Variants in GLB1 observed in about 807,000 individuals in gnomAD.
GLB1 encodes the protein galactosidase beta 1.
In GLB1, 56 loss-of-function variants were observed where a neutral mutation model predicts 74.0. The observed-to-expected ratio is 0.76, with a 90% CI of 0.61 to 0.94. The LOEUF (loss-of-function observed/expected upper bound fraction) is 0.94, where lower values mean the gene tolerates loss of function less well. GLB1 is among the 40% of genes least tolerant of loss of function. The pLI is 0.00. For synonymous variants in GLB1, 323 were observed against 323.6 expected (o/e 1.00, Z 0.02); for missense variants, 787 against 845.5 (o/e 0.93, Z 0.86).
At chr3:33,087,274 A>C (rs2125575963) in intron 1 of GLB1, among the ~76,000 whole-genome samples, 1 of 152,242 alleles carries the variant, frequency 6.6e-6, no homozygotes, top group Non-Finnish European at 1.5e-5. Context: ...ATCAGTCATC[A>C]AAAACCTCAA....
rs61542648 is a variant in GLB1, at chr3:33,087,006, A to G, written c.75+10005T>C. Among the ~76,000 whole-genome samples, 1,375 of 151,100 alleles carry G rather than the reference A, an allele frequency of 9.1e-3. 15 individuals carry two copies. The highest frequency in any genetic ancestry group is 0.031 in the African/African-American group (1,287 of 41,260). ...AGGAAAAAAAAACAGTTGGTTTTTG[A>G]AAAAAAAATCAACAAAATTGAGAAA... On this transcript the variant is annotated intron_variant, in intron 1 of 15. Coordinates refer to ENST00000307363, the MANE Select transcript of GLB1 (RefSeq NM_000404.4).
the GLB1 span, among the ~76,000 whole-genome samples, chr3:32,979,329 A>G: frequency 6.6e-6 from 1 of 152,114 alleles, no homozygotes; most frequent in African/African-American, 2.4e-5. Flanking sequence ...AGGCTAAAAC[A>G]CTTACAGAGG....
intron 15 of GLB1, among the ~76,000 whole-genome samples, 190 bp downstream of exon 15, chr3:33,013,866 T>A (rs1697126714): frequency 6.6e-6 from 1 of 152,152 alleles, no homozygotes; most frequent in Non-Finnish European, 1.5e-5. Context: ...AGGGGGCAGA[T>A]GGCAGCACCT....
At chr3:33,092,518 G>T in intron 1 of GLB1, 2 of 1,114,708 alleles carry the variant, frequency 1.8e-6, no homozygotes, top group Non-Finnish European at 2.2e-6. Flanking sequence ...CCGAGGGGAG[G>T]TTCATCCCTG....
At chr3:33,004,176 A>G (rs1387713535) in intron 15 of GLB1, among the ~76,000 whole-genome samples, 1 of 152,188 alleles carries the variant, frequency 6.6e-6, no homozygotes, top group East Asian at 1.9e-4. Context: ...TCTTTCTTTG[A>G]ACCCTGCTCA....
intron 5 of GLB1, among the ~76,000 whole-genome samples, 188 bp from the exon 6 acceptor site, chr3:33,058,457 G>GT (rs778773640): frequency 3.3e-5 from 5 of 151,844 alleles, no homozygotes; most frequent in Admixed American, 6.6e-5. Context: ...CACCATAAAA[G>GT]TTTACCTCCT....
the GLB1 span, among the ~76,000 whole-genome samples, chr3:32,981,399 CAAA>C: frequency 6.6e-5 from 6 of 90,462 alleles, no homozygotes; most frequent in Admixed American, 1.4e-4. Context: ...GACTCCATCT[CAAA>C]AAAAAAAAAA....
chr3:33,043,598 T>C (rs769396968), intron 10 of GLB1, among the ~76,000 whole-genome samples: 3 of 151,964 alleles, frequency 2.0e-5, no homozygotes, highest in African/African-American at 4.8e-5. Context: ...AATAAGATAA[T>C]TGAAATTCAT....
the GLB1 span, among the ~76,000 whole-genome samples, chr3:32,961,376 G>T: frequency 6.6e-6 from 1 of 152,198 alleles, no homozygotes; most frequent in Non-Finnish European, 1.5e-5. Context: ...AGGGACAGAC[G>T]TCAGCAACAC....
chr3:33,014,217 C>A lies in GLB1; in HGVS notation c.1573G>T (p.Gly525Trp). 2 of 1,614,160 alleles carry A rather than the reference C, an allele frequency of 1.2e-6. No homozygotes were observed. Among genetic ancestry groups the A allele is most frequent in the Non-Finnish European group, 1.7e-6 (2 of 1,180,028 alleles). The change falls in exon 15 of 16, where the codon GGG (glycine) becomes TGG (tryptophan). Residue 525 changes from glycine to tryptophan, a missense_variant. Coordinates refer to ENST00000307363, the MANE Select transcript of GLB1 (RefSeq NM_000404.4). The part of the protein sequence containing the change: ...DTEDAVCSHL[G>W]GWGHRDSGHH... Reference sequence around the variant, plus strand: ...CCACTGTCACGGTGTCCCCAGCCCCCCAGGTGGCTGCACACTGCATCCTCA... The same window carrying A: ...CCACTGTCACGGTGTCCCCAGCCCCACAGGTGGCTGCACACTGCATCCTCA...
chr3:33,096,903 C>G (rs1341954019), intron 1 of GLB1, 108 bp downstream of exon 1: 10 of 1,513,186 alleles, frequency 6.6e-6, no homozygotes, highest in Non-Finnish European at 8.0e-6. Context: ...CACTTCGGGG[C>G]TCAGGCTCCC....
chr3:33,080,532 C>T (rs1700287224), intron 1 of GLB1, among the ~76,000 whole-genome samples: 2 of 152,178 alleles, frequency 1.3e-5, no homozygotes, highest in Non-Finnish European at 2.9e-5. Flanking sequence ...GGGTTCAGCC[C>T]AGAAGTCCAG....
the GLB1 span, among the ~76,000 whole-genome samples, chr3:32,982,404 G>A: frequency 1.3e-5 from 2 of 151,214 alleles, no homozygotes; most frequent in Non-Finnish European, 2.9e-5. Flanking sequence ...CCTTTTTGGG[G>A]GAGTATATTT....
At chr3:33,021,176 C>T (rs1399356187) in intron 12 of GLB1, 1 of 219,184 alleles carries the variant, frequency 4.6e-6, no homozygotes, top group Non-Finnish European at 9.1e-6. Context: ...TACCAAAAAA[C>T]ACAGTCCTTA....
intron 13 of GLB1, 74 bp downstream of exon 13, chr3:33,018,374 C>T: frequency 7.8e-7 from 1 of 1,283,632 alleles, no homozygotes; most frequent in Non-Finnish European, 1.1e-6. Context: ...ACCCCAAATG[C>T]TGTGTTAACA....
At chr3:32,969,347 A>G in the GLB1 span, among the ~76,000 whole-genome samples, 2 of 152,238 alleles carry the variant, frequency 1.3e-5, no homozygotes, top group East Asian at 3.8e-4. Flanking sequence ...GAGGCTATTT[A>G]TAAAGAAAAA....
At chr3:33,074,400 G>GAAAGAA (rs1700030137) in intron 1 of GLB1, among the ~76,000 whole-genome samples, 1 of 141,840 alleles carries the variant, frequency 7.1e-6, no homozygotes, top group Non-Finnish European at 1.6e-5. Context: ...AAGAAAGAAA[G>GAAAGAA]AAAGAAAGAA....
chr3:32,967,785 C>G, the GLB1 span, among the ~76,000 whole-genome samples: 1 of 152,178 alleles, frequency 6.6e-6, no homozygotes, highest in Non-Finnish European at 1.5e-5. Flanking sequence ...ATCCAAGGTG[C>G]ACCACGGGGG....
Position 33,018,457 on chromosome 3 carries a change from A to G in GLB1, c.1338T>C (p.Ala446=), listed in dbSNP as rs1697332758. 7.4e-6 allele frequency: 12 copies of G among 1,613,992 alleles called. No individual in the cohort carries two copies. Among genetic ancestry groups the G allele is most frequent in the Non-Finnish European group, 8.5e-6 (10 of 1,180,032 alleles). ...CAGAGACGATTCTTACCCCATCCAC[A>G]GCAACATATGCTCGATCGTGGACTC... is the stretch of plus-strand genomic sequence containing the variant. The part of the protein sequence containing the change: ...LNGVHDRAYV[A]VDGIPQGVLE... The change falls in exon 13 of 16, where the codon GCT becomes GCC. Residue 446 remains alanine (A), a synonymous_variant. Transcript: ENST00000307363.
Sources: allele counts gnomAD v4.1 joint callset (sites outside exome capture counted in the v4.1 genomes callset), GRCh38; gene constraint gnomAD v4.1.1; transcripts MANE v1.5; gene names NCBI Gene and HGNC (gene_info 2026-07-23, HGNC 2026-07-21).